Variants in CAPN3 observed in about 807,000 individuals in gnomAD.
CAPN3 encodes the protein calpain-3.
Under a neutral mutation model 114.0 loss-of-function variants are expected in CAPN3, and 88 were observed. The ratio of observed to expected loss-of-function variants is 0.77; its 90% CI spans 0.65 to 0.92. CAPN3 has a LOEUF of 0.92. CAPN3 is among the 40% of genes least tolerant of loss of function. The pLI, the probability that CAPN3 is intolerant of heterozygous loss-of-function variation, is 0.00. For synonymous variants in CAPN3, 386 were observed against 382.9 expected (o/e 1.01, Z -0.09); for missense variants, 1,028 against 1,069.0 (o/e 0.96, Z 0.53).
In CAPN3 at chr15:42,382,141, A is replaced by G. The variant is rs1489595135; in HGVS notation, c.310-2342A>G. 1.3e-5 allele frequency among the ~76,000 whole-genome samples: 2 copies of G among 152,140 alleles called. 1 individual carries two copies. The highest frequency in any genetic ancestry group is 2.9e-5 in the Non-Finnish European group (2 of 68,024). On this transcript the variant is annotated intron_variant, in intron 1 of 23. Transcript: ENST00000397163. ...GCATAAAAAGGCCTTGCTACTGGAA[A>G]GTCTGATAATAATCTAATGTTTTCC...
chr15:42,404,362 CTTACAAGGTACTTT>C (rs2053961286), intron 14 of CAPN3: 1 of 456,412 alleles, frequency 2.2e-6, no homozygotes, highest in African/African-American at 2.0e-5. Context: ...CACTTTACAC[CTTACAAGGTACTTT>C]TCACATGTGT....
intron 10 of CAPN3, among the ~76,000 whole-genome samples, 170 bp from the exon 11 acceptor site, chr15:42,401,471 G>GCT: frequency 1.0e-5 from 1 of 95,652 alleles, no homozygotes; most frequent in African/African-American, 5.7e-5. Context: ...AATAAAGGTA[G>GCT]CGCCCCCCCC....
At chr15:42,401,212 G>A (rs972441712) in intron 10 of CAPN3, among the ~76,000 whole-genome samples, 2 of 152,032 alleles carry the variant, frequency 1.3e-5, no homozygotes, top group Admixed American at 1.3e-4. Context: ...AAAAGTGAGA[G>A]AGATTGAGGC....
Position 42,408,207 on chromosome 15 carries a change from C to A in CAPN3, c.1801-4C>A. 1 of 1,607,302 alleles carries A rather than the reference C, an allele frequency of 6.2e-7. No homozygotes were observed. Among genetic ancestry groups the A allele is most frequent in the South Asian group, 1.1e-5 (1 of 90,870 alleles). ...CCTTCCTGCCTCCTCCCTCCTCTCT[C>A]CAGCCCATCATCTTCGTTTCGGACA... On this transcript the variant is annotated splice_region_variant and splice_polypyrimidine_tract_variant and intron_variant, in intron 15 of 23. Transcript: ENST00000397163.
In CAPN3 at chr15:42,408,223, G is replaced by A. The variant is rs200759807; in HGVS notation, c.1813G>A (p.Val605Ile). 4.0e-5 allele frequency: 64 copies of A among 1,613,010 alleles called. No individual in the cohort carries two copies. In the African/African-American group the frequency reaches 6.5e-4, roughly 16 times the overall value. ...KKKKTKPIIF[V>I]SDRANSNKEL... ...CTCCTCTCTCCAGCCCATCATCTTC[G>A]TTTCGGACAGAGCAAACAGCAACAA... Residue 605 changes from valine to isoleucine, a missense_variant, in exon 16 of 24, where the codon GTT (valine) becomes ATT (isoleucine). By Grantham distance (29) the Val-to-Ile change is conservative. Coordinates refer to ENST00000397163, the MANE Select transcript of CAPN3 (RefSeq NM_000070.3).
chr15:42,411,606 G>A (rs2054239693), intron 23 of CAPN3, 141 bp from the exon 24 acceptor site: 2 of 746,646 alleles, frequency 2.7e-6, no homozygotes, highest in Non-Finnish European at 4.9e-6. Flanking sequence ...GAAACAGTAA[G>A]CCACTGCTTC....
chr15:42,393,335 C>T (rs1336800011), intron 7 of CAPN3, among the ~76,000 whole-genome samples: 1 of 152,126 alleles, frequency 6.6e-6, no homozygotes, highest in African/African-American at 2.4e-5. Flanking sequence ...TTTTGATCCA[C>T]AATTGGTTAT....
chr15:42,410,317 TA>T (rs981879814), intron 19 of CAPN3, 110 bp from the exon 20 acceptor site: 93 of 982,722 alleles, frequency 9.5e-5, no homozygotes, highest in Middle Eastern at 3.1e-4. Context: ...AGGGGAGGGT[TA>T]AATAGTACAA....
chr15:42,403,661 G>T (rs1027211303), intron 13 of CAPN3, 80 bp from the exon 14 acceptor site: 18 of 1,340,022 alleles, frequency 1.3e-5, no homozygotes, highest in Non-Finnish European at 1.6e-5. Flanking sequence ...CCAGGAAGCC[G>T]TGCACCAGAG....
At chr15:42,398,618 CACACACACACACACACATATATAT>C (rs1438558041) in intron 9 of CAPN3, among the ~76,000 whole-genome samples, 3 of 149,354 alleles carry the variant, frequency 2.0e-5, no homozygotes, top group African/African-American at 7.5e-5. Context: ...CACACACACA[CACACACACACACACACATATATAT>C]ACACACATAT....
At chr15:42,370,006 G>A (rs1046181783) in intron 1 of CAPN3, among the ~76,000 whole-genome samples, 2 of 151,820 alleles carry the variant, frequency 1.3e-5, no homozygotes, top group Admixed American at 6.6e-5. Context: ...CCAAGTAGCT[G>A]AGATTACAGG....
Position 42,401,739 on chromosome 15 carries a change from A to AT in CAPN3, c.1454dup (p.Met485IlefsTer92). The stretch of plus-strand genomic sequence containing the variant: ...GATTTGCAGCTTCCTGGTGGCCCTG[A>AT]TGCAGAAGAACCGGCGGAAGGACCG... On this transcript the variant is annotated frameshift_variant, in exon 11 of 24. Coordinates refer to ENST00000397163, the MANE Select transcript of CAPN3 (RefSeq NM_000070.3). LOFTEE classifies it high-confidence loss of function. The AT allele has an allele frequency of 6.2e-7, 1 of 1,613,996 alleles. No homozygotes were observed. The highest frequency in any genetic ancestry group is 8.5e-7 in the Non-Finnish European group (1 of 1,179,958).
rs527488898 is a variant in CAPN3 at position 42,412,166 on chromosome 15, A to G, written c.*393A>G. ...TCCATCACCTTCACGCTGTCCCACCATGGGCCAGGAACCAAACCAGCACTG... is the reference window on the plus strand; with the variant it reads ...TCCATCACCTTCACGCTGTCCCACCGTGGGCCAGGAACCAAACCAGCACTG... On this transcript the variant is annotated 3_prime_UTR_variant, in exon 24 of 24. Transcript: ENST00000397163. 9 of 1,536,126 alleles carry G rather than the reference A, an allele frequency of 5.9e-6. No homozygotes were observed. The highest frequency in any genetic ancestry group is 4.8e-5 in the South Asian group (4 of 84,060).
At chr15:42,406,324 G>A (rs28364512) in intron 15 of CAPN3, among the ~76,000 whole-genome samples, 72 of 152,202 alleles carry the variant, frequency 4.7e-4, no homozygotes, top group African/African-American at 1.5e-3. Flanking sequence ...TCCAGAGTCC[G>A]TGTCCTGAAC....
intron 1 of CAPN3, among the ~76,000 whole-genome samples, chr15:42,365,408 C>T (rs1336524449): frequency 6.6e-6 from 1 of 152,206 alleles, no homozygotes. Context: ...GTCCTCCAAG[C>T]TCCTTGGGCT....
intron 7 of CAPN3, among the ~76,000 whole-genome samples, chr15:42,393,570 A>AG (rs746471744): frequency 8.2e-5 from 12 of 145,724 alleles, no homozygotes; most frequent in Non-Finnish European, 1.4e-4. Context: ...CTCAGTCAGC[A>AG]GGGGCCTTTT....
chr15:42,395,513 G>T (rs2053664973), intron 8 of CAPN3, among the ~76,000 whole-genome samples: 2 of 152,288 alleles, frequency 1.3e-5, no homozygotes, highest in African/African-American at 4.8e-5. Context: ...AGTTTGGGTG[G>T]GAGGGGAGGC....
intron 22 of CAPN3, 63 bp from the exon 23 acceptor site, chr15:42,411,224 A>T: frequency 7.3e-7 from 1 of 1,369,634 alleles, no homozygotes; most frequent in Non-Finnish European, 1.0e-6. Context: ...TCTGAGGGGA[A>T]GTTACAGTAG....
intron 1 of CAPN3, 89 bp from the exon 2 acceptor site, chr15:42,384,394 G>A: frequency 1.0e-6 from 1 of 954,200 alleles, no homozygotes; most frequent in Non-Finnish European, 1.7e-6. Context: ...CCTGGCGACA[G>A]AGTGAGACTC....
Sources: allele counts gnomAD v4.1 joint callset (sites outside exome capture counted in the v4.1 genomes callset), GRCh38; gene constraint gnomAD v4.1.1; transcripts MANE v1.5; gene names NCBI Gene and HGNC (gene_info 2026-07-23, HGNC 2026-07-21).